The following AKAIN1 variants were observed in gnomAD, a reference collection of about 807,000 sequenced individuals.
AKAIN1 encodes A-kinase anchor protein inhibitor 1.
In AKAIN1, 3 loss-of-function variants were observed where a neutral mutation model predicts 3.7. The ratio of observed to expected loss-of-function variants is 0.82; its 90% CI spans 0.37 to 2.12. The LOEUF is 2.12. Ranked by LOEUF, AKAIN1 falls within the 30% of genes most tolerant of loss-of-function variation. The pLI, the probability that AKAIN1 is intolerant of heterozygous loss-of-function variation, is 0.06. For synonymous variants in AKAIN1, 31 were observed against 30.8 expected (o/e 1.01, Z -0.02); for missense variants, 82 against 82.7 (o/e 0.99, Z 0.03).
chr18:5,152,215 G>A (rs890241403), intron 1 of AKAIN1, among the ~76,000 whole-genome samples: 1 of 152,214 alleles, frequency 6.6e-6, no homozygotes, highest in African/African-American at 2.4e-5. Flanking sequence ...TACTGCCAGT[G>A]CATCCTGTTG....
chr18:5,184,706 T>C (rs1369110497), intron 1 of AKAIN1, among the ~76,000 whole-genome samples: 2 of 152,012 alleles, frequency 1.3e-5, no homozygotes, highest in Non-Finnish European at 2.9e-5. Flanking sequence ...TACAAACAAA[T>C]GGAAAAACAT....
intron 1 of AKAIN1, among the ~76,000 whole-genome samples, chr18:5,183,094 A>G (rs1430772326): frequency 1.3e-5 from 2 of 152,096 alleles, no homozygotes; most frequent in African/African-American, 4.8e-5. Context: ...TCTGCAAACT[A>G]AAATAGGTCA....
chr18:5,183,594 C>T (rs2071271074), intron 1 of AKAIN1, among the ~76,000 whole-genome samples: 1 of 151,780 alleles, frequency 6.6e-6, no homozygotes, highest in African/African-American at 2.4e-5. Context: ...AAAAAAAACC[C>T]AGTGTTGACT....
intron 1 of AKAIN1, among the ~76,000 whole-genome samples, chr18:5,178,135 AT>A (rs1282127958): frequency 6.6e-6 from 1 of 152,112 alleles, no homozygotes; most frequent in Non-Finnish European, 1.5e-5. Flanking sequence ...AGGACTGTAC[AT>A]CATCCACTAG....
intron 1 of AKAIN1, among the ~76,000 whole-genome samples, chr18:5,153,169 T>C (rs1415570057): frequency 6.6e-6 from 1 of 152,208 alleles, no homozygotes; most frequent in Admixed American, 6.5e-5. Context: ...TGAATTATTT[T>C]AGAACATAAT....
intron 1 of AKAIN1, among the ~76,000 whole-genome samples, chr18:5,181,960 C>T (rs1038167724): frequency 4.6e-5 from 7 of 152,092 alleles, no homozygotes; most frequent in African/African-American, 1.7e-4. Context: ...AATCATCATT[C>T]AGGGCCATTG....
intron 1 of AKAIN1, among the ~76,000 whole-genome samples, chr18:5,186,250 T>C (rs2071286872): frequency 6.6e-6 from 1 of 151,932 alleles, no homozygotes. Flanking sequence ...AGGGAGAGTA[T>C]AAAAAACTGC....
At chr18:5,153,956 T>C (rs1325866472) in intron 1 of AKAIN1, among the ~76,000 whole-genome samples, 1 of 152,134 alleles carries the variant, frequency 6.6e-6, no homozygotes, top group East Asian at 1.9e-4. Flanking sequence ...GCTATGAACT[T>C]AAAACTGCTT....
At chr18:5,157,515 A>G (rs1456875654) in intron 1 of AKAIN1, among the ~76,000 whole-genome samples, 2 of 152,114 alleles carry the variant, frequency 1.3e-5, no homozygotes, top group East Asian at 3.9e-4. Flanking sequence ...CCTCAGGGGC[A>G]TGTGTGACCA....
At chr18:5,177,251 T>G (rs1440383697) in intron 1 of AKAIN1, among the ~76,000 whole-genome samples, 2 of 152,194 alleles carry the variant, frequency 1.3e-5, no homozygotes, top group Non-Finnish European at 2.9e-5. Context: ...CTTTAAATCA[T>G]TATTGCAACC....
intron 1 of AKAIN1, among the ~76,000 whole-genome samples, chr18:5,192,450 T>C (rs991864381): frequency 1.4e-5 from 2 of 146,168 alleles, no homozygotes; most frequent in South Asian, 4.4e-4. Flanking sequence ...TCTTTCTTTT[T>C]CTTTTCTTTG....
chr18:5,183,077 T>C (rs899596490), intron 1 of AKAIN1, among the ~76,000 whole-genome samples: 1 of 152,046 alleles, frequency 6.6e-6, no homozygotes, highest in African/African-American at 2.4e-5. Context: ...AACTTTCAAA[T>C]CCTGGTTCTG....
intron 1 of AKAIN1, among the ~76,000 whole-genome samples, chr18:5,183,737 G>A (rs1573392): frequency 0.14 from 21,841 of 152,006 alleles, 2,048 homozygotes; most frequent in Middle Eastern, 0.27. Flanking sequence ...ATTGCTCTTA[G>A]GAAAAATCAG....
chr18:5,194,166 G>A lies in AKAIN1; in HGVS notation c.16+2872C>T, dbSNP rs1160059062. ...ATTTAACTGTTAATAATTTCGTATAGTTCCTTTAGACAGAAGCATAAATAA... is the reference window on the plus strand; with the variant it reads ...ATTTAACTGTTAATAATTTCGTATAATTCCTTTAGACAGAAGCATAAATAA... On this transcript the variant is annotated intron_variant, in intron 1 of 1. Transcript: ENST00000434239. Among the ~76,000 whole-genome samples, 4 of 152,102 alleles carry A rather than the reference G, an allele frequency of 2.6e-5. No homozygotes were observed. The East Asian group carries it at 7.7e-4, about 29-fold the overall frequency.
At chr18:5,196,277 C>G (rs530332688) in intron 1 of AKAIN1, among the ~76,000 whole-genome samples, 3 of 152,234 alleles carry the variant, frequency 2.0e-5, no homozygotes, top group Non-Finnish European at 2.9e-5. Flanking sequence ...CGCTTTTCCC[C>G]GCTTCCTCGA....
At chr18:5,155,282 T>C in intron 1 of AKAIN1, among the ~76,000 whole-genome samples, 1 of 152,162 alleles carries the variant, frequency 6.6e-6, no homozygotes, top group Non-Finnish European at 1.5e-5. Context: ...GCTTCATCTT[T>C]TGATGTCAGG....
At chr18:5,187,129 A>G (rs1259165842) in intron 1 of AKAIN1, among the ~76,000 whole-genome samples, 4 of 152,204 alleles carry the variant, frequency 2.6e-5, no homozygotes, top group African/African-American at 9.6e-5. Context: ...TCTTAAGTCA[A>G]GAAAAACAAG....
intron 1 of AKAIN1, among the ~76,000 whole-genome samples, chr18:5,190,815 C>G (rs1373133918): frequency 6.6e-6 from 1 of 152,136 alleles, no homozygotes; most frequent in Non-Finnish European, 1.5e-5. Context: ...TCTCTCATGT[C>G]TCTTTCTGTA....
At chr18:5,197,273 G>A (rs537949197), upstream of AKAIN1, 1,451 of 1,374,262 alleles carry the variant, frequency 1.1e-3, 13 homozygotes, top group African/African-American at 0.02. The surrounding 1 kb of genome is among the most constrained non-coding windows in gnomAD (Gnocchi z 6.9). Flanking sequence ...CACAGCGGCG[G>A]CGGGAGGAGG....
Sources: allele counts gnomAD v4.1 joint callset (sites outside exome capture counted in the v4.1 genomes callset), GRCh38; gene constraint gnomAD v4.1.1; non-coding constraint Gnocchi (gnomAD v3.1); transcripts MANE v1.5; gene names NCBI Gene and HGNC (gene_info 2026-07-23, HGNC 2026-07-21).